Variants in SZT2 observed in about 807,000 individuals in gnomAD.
SZT2 encodes SZT2 subunit of KICSTOR complex.
SZT2 carries 216 observed loss-of-function variants against 404.2 expected under a neutral mutation model. The observed-to-expected ratio is 0.53, with a 90% CI of 0.48 to 0.60. SZT2 has a LOEUF of 0.60. SZT2 is among the 20% of genes least tolerant of loss of function. SZT2 has a pLI of 0.00. For synonymous variants in SZT2, 1,693 were observed against 1,749.9 expected, an observed-to-expected ratio of 0.97 and a Z score of 0.81; for missense variants, 3,857 against 4,459.2, an observed-to-expected ratio of 0.86 and a Z score of 3.85.
intron 4 of SZT2, chr1:43,410,554 C>CAAAAA (rs34705523): frequency 7.3e-5 from 3 of 41,030 alleles, no homozygotes; most frequent in African/African-American, 9.9e-5. Context: ...GACTCTGTCT[C>CAAAAA]AAAAAAAAAA....
chr1:43,447,995 C>T (rs1655889530), intron 68 of SZT2, 24 bp downstream of exon 68: 1 of 1,613,526 alleles, frequency 6.2e-7, no homozygotes, highest in African/African-American at 1.3e-5. Context: ...CTACCTTGAA[C>T]ATGCCCATTT....
At position 43,437,183 on chromosome 1, in the gene SZT2, A is replaced by T; in HGVS notation, c.6047A>T (p.Asp2016Val). ...APLPSDDYAADESCAPRGYLA... is the reference protein window; with the variant it reads ...APLPSDDYAAVESCAPRGYLA... ...CCCCCTCACCCAGATTATGCTGCTGATGAGAGCTGTGCGCCCCGTGGGTAC... is the reference window on the plus strand; with the variant it reads ...CCCCCTCACCCAGATTATGCTGCTGTTGAGAGCTGTGCGCCCCGTGGGTAC... Residue 2016 changes from aspartate (D) to valine (V), a missense_variant, in exon 43 of 72, where the codon GAT (aspartate) becomes GTT (valine). Asp to Val is a radical substitution (Grantham distance 152). This residue lies in a region of SZT2 where 1,725 missense variants were observed against 1,881.0 expected (regional missense o/e 0.92). Coordinates refer to ENST00000634258, the MANE Select transcript of SZT2 (RefSeq NM_001365999.1). The surrounding 1 kb of genome is among the most constrained non-coding windows in gnomAD (Gnocchi z 5.3). 1 of 1,614,128 alleles carries T rather than the reference A, an allele frequency of 6.2e-7. No individual in the cohort carries two copies. Among genetic ancestry groups the T allele is most frequent in the Non-Finnish European group, 8.5e-7 (1 of 1,180,024 alleles).
chr1:43,432,040 C>T, intron 36 of SZT2, 139 bp downstream of exon 36: 1 of 1,204,344 alleles, frequency 8.3e-7, no homozygotes, highest in Non-Finnish European at 1.2e-6. Flanking sequence ...ACATCATCTG[C>T]CCTAACCCCT....
intron 65 of SZT2, 116 bp from the exon 66 acceptor site, chr1:43,446,839 A>C: frequency 9.0e-7 from 1 of 1,115,372 alleles, no homozygotes; most frequent in Non-Finnish European, 1.3e-6. Flanking sequence ...AGGGCGTTCC[A>C]CTAGGCCACA....
Position 43,427,462 on chromosome 1 carries a change from A to G in SZT2, c.3598+17A>G. 1 of 1,611,684 alleles carries G rather than the reference A, an allele frequency of 6.2e-7. No individual in the cohort carries two copies. The highest frequency in any genetic ancestry group is 8.5e-7 in the Non-Finnish European group (1 of 1,177,932). On this transcript the variant is annotated intron_variant, in intron 25 of 71. Transcript: ENST00000634258. ...TGGCTAGTGGTAAGGCTGCCGACTC[A>G]AGGTGGGCAGGAGTGGGAGTGGGAA...
Position 43,422,139 on chromosome 1 carries a change from CT to C in SZT2, c.1684del (p.Trp562GlyfsTer23), listed in dbSNP as rs776776594. 6.3e-7 allele frequency: 1 copy of C among 1,598,014 alleles called. No homozygotes were observed. ...CATCCCATGCCCAGTTTGCTGCCTA[CT>C]GGAAGCCAGTGCTGTCCATGGATGC... ...DSSHAQFAAY[W>X]KPVLSMDANS... On this transcript the variant is annotated frameshift_variant, in exon 12 of 72. Transcript: ENST00000634258. LOFTEE classifies it high-confidence loss of function.
In SZT2 at chr1:43,432,972, C is replaced by A; in HGVS notation, c.5603-17C>A. ...CCCAGCTTCGGATGGGATTGACCTT[C>A]AATGCATCTGACACAGGTTATGATG... On this transcript the variant is annotated splice_polypyrimidine_tract_variant and intron_variant, in intron 39 of 71. Transcript: ENST00000634258. 1 of 1,613,562 alleles carries A rather than the reference C, an allele frequency of 6.2e-7. No homozygotes were observed. The highest frequency in any genetic ancestry group is 8.5e-7 in the Non-Finnish European group (1 of 1,179,744).
chr1:43,402,682 G>T (rs1410966812), intron 1 of SZT2, among the ~76,000 whole-genome samples: 1 of 152,186 alleles, frequency 6.6e-6, no homozygotes, highest in Non-Finnish European at 1.5e-5. Context: ...TGGGGACTGT[G>T]ACCCACAGAG....
intron 4 of SZT2, chr1:43,409,370 G>A (rs1268657974): frequency 1.1e-5 from 3 of 278,058 alleles, no homozygotes; most frequent in African/African-American, 6.7e-5. Context: ...TCATTAGGGG[G>A]ATAAGGAGAG....
chr1:43,392,974 GCTCT>G (rs912001247), intron 1 of SZT2, among the ~76,000 whole-genome samples: 2 of 152,132 alleles, frequency 1.3e-5, no homozygotes, highest in Non-Finnish European at 2.9e-5. Context: ...AGACAGACAT[GCTCT>G]CTATCTTTAT....
chr1:43,441,405 C>T lies in SZT2; in HGVS notation c.7511+25C>T, dbSNP rs1655046608. ...AGTATGTGTGTGGTGGTGGTGTGCC[C>T]TGGGAGGGTATGGGTGTGAAGTCAC... On this transcript the variant is annotated intron_variant, in intron 53 of 71. Coordinates refer to ENST00000634258, the MANE Select transcript of SZT2 (RefSeq NM_001365999.1). This position sits in a 1 kb window ranked among gnomAD's most constrained non-coding sequence, Gnocchi z 4.8. The T allele has an allele frequency of 6.2e-7, 1 of 1,612,794 alleles. No homozygotes were observed. Among genetic ancestry groups the T allele is most frequent in the Non-Finnish European group, 8.5e-7 (1 of 1,179,242 alleles).
At chr1:43,404,583 A>C in intron 4 of SZT2, 33 bp downstream of exon 4, 1 of 1,595,728 alleles carries the variant, frequency 6.3e-7, no homozygotes. Flanking sequence ...TTGTACCCTC[A>C]GACCAAATTT....
intron 67 of SZT2, 32 bp downstream of exon 67, chr1:43,447,730 C>A: frequency 6.2e-7 from 1 of 1,611,168 alleles, no homozygotes; most frequent in Non-Finnish European, 8.5e-7. Flanking sequence ...AGCATGCACG[C>A]TGCAGGAGCT....
intron 12 of SZT2, 85 bp downstream of exon 12, chr1:43,422,310 T>C: frequency 6.6e-7 from 1 of 1,507,456 alleles, no homozygotes; most frequent in Non-Finnish European, 8.9e-7. Flanking sequence ...GAGCAGCAGA[T>C]GAGCTCTTAC....
chr1:43,399,090 A>G (rs1649353171), intron 1 of SZT2, among the ~76,000 whole-genome samples: 1 of 152,188 alleles, frequency 6.6e-6, no homozygotes, highest in South Asian at 2.1e-4. Flanking sequence ...AAAAAAAAAA[A>G]AGAAAAAAAT....
chr1:43,440,647 C>T (rs1307446276), intron 52 of SZT2, 61 bp downstream of exon 52: 3 of 1,482,032 alleles, frequency 2.0e-6, no homozygotes, highest in Admixed American at 2.4e-5. Context: ...GCTCCTCCCA[C>T]ACTCCCTCCT....
intron 1 of SZT2, among the ~76,000 whole-genome samples, chr1:43,399,105 T>C (rs1430513626): frequency 6.6e-6 from 1 of 152,116 alleles, no homozygotes; most frequent in African/African-American, 2.4e-5. Flanking sequence ...AAAAATCATT[T>C]TGCAGCGTAT....
Position 43,453,826 on chromosome 1 carries a change from G to A in SZT2, c.*3346G>A, listed in dbSNP as rs1656746600. 1 of 1,230,512 alleles carries A rather than the reference G, an allele frequency of 8.1e-7. No homozygotes were observed. Among genetic ancestry groups the A allele is most frequent in the Non-Finnish European group, 1.0e-6 (1 of 988,744 alleles). The allele number at this position is 1,230,512 out of a possible 1,614,324, so 76.2% of individuals were successfully genotyped here. A position where few individuals can be genotyped will look rare whatever the true frequency, so the allele number is the denominator to read the frequency against. On this transcript the variant is annotated 3_prime_UTR_variant, in exon 72 of 72. Transcript: ENST00000634258. ...GAGGCCGGGCCGGGCGGAGTCCGCG[G>A]GATCCAAAGGCGGCGGGCGGCGGGC...
intron 36 of SZT2, 121 bp from the exon 37 acceptor site, chr1:43,432,151 C>A: frequency 8.6e-7 from 1 of 1,166,602 alleles, no homozygotes; most frequent in Non-Finnish European, 1.2e-6. Flanking sequence ...CTTACCTCAG[C>A]AGTGGGGATG....
Sources: allele counts gnomAD v4.1 joint callset (sites outside exome capture counted in the v4.1 genomes callset), GRCh38; gene constraint gnomAD v4.1.1; regional missense constraint gnomAD v4.1.1; non-coding constraint Gnocchi (gnomAD v3.1); transcripts MANE v1.5; gene names NCBI Gene and HGNC (gene_info 2026-07-23, HGNC 2026-07-21).